Variants in CD247 observed in about 807,000 individuals in gnomAD.
CD247 encodes T-cell surface glycoprotein CD3 zeta chain.
Under a neutral mutation model 30.0 loss-of-function variants are expected in CD247, and 13 were observed. That is an observed-to-expected ratio of 0.43 (90% confidence interval 0.28 to 0.69). CD247 has a LOEUF of 0.69. CD247 is among the 30% of genes least tolerant of loss of function. CD247 has a pLI of 0.16. For synonymous variants in CD247, 72 were observed against 80.0 expected (o/e 0.90, Z 0.53); for missense variants, 193 against 212.6 (o/e 0.91, Z 0.57).
chr1:167,454,921 G>A (rs1321719504), intron 1 of CD247, among the ~76,000 whole-genome samples: 1 of 152,222 alleles, frequency 6.6e-6, no homozygotes, highest in Non-Finnish European at 1.5e-5. Flanking sequence ...TGTTGAGGGC[G>A]CCTCCTCAGA....
intron 1 of CD247, among the ~76,000 whole-genome samples, chr1:167,471,778 T>TTTGA (rs1324613079): frequency 4.6e-5 from 7 of 151,964 alleles, no homozygotes; most frequent in Non-Finnish European, 8.8e-5. Context: ...TTATTTTTCT[T>TTTGA]TTGATGTACC....
chr1:167,439,648 G>C (rs950779968), intron 2 of CD247: 2 of 566,264 alleles, frequency 3.5e-6, no homozygotes, highest in Non-Finnish European at 6.3e-6. Context: ...GGACCCGCTG[G>C]AGTTTATTCT....
At chr1:167,442,110 CAA>C (rs928035184) in intron 1 of CD247, among the ~76,000 whole-genome samples, 1 of 151,428 alleles carries the variant, frequency 6.6e-6, no homozygotes, top group African/African-American at 2.4e-5. Context: ...GGCTCCGTCT[CAA>C]AAAAAAATTT....
At chr1:167,490,574 G>A (rs1321296938) in intron 1 of CD247, among the ~76,000 whole-genome samples, 1 of 151,968 alleles carries the variant, frequency 6.6e-6, no homozygotes, top group Admixed American at 6.6e-5. Flanking sequence ...AGCGAGCCGA[G>A]ATCGCGCCAC....
At chr1:167,455,978 C>T (rs1474769820) in intron 1 of CD247, among the ~76,000 whole-genome samples, 3 of 152,046 alleles carry the variant, frequency 2.0e-5, no homozygotes, top group Admixed American at 6.5e-5. Flanking sequence ...CCCGGAGAGA[C>T]GCAACCCTGA....
chr1:167,433,114 T>C, intron 6 of CD247, 55 bp from the exon 7 acceptor site: 1 of 1,583,300 alleles, frequency 6.3e-7, no homozygotes, highest in Non-Finnish European at 8.7e-7. Flanking sequence ...CAGTCAGTAG[T>C]GGCATTTCTG....
intron 1 of CD247, among the ~76,000 whole-genome samples, chr1:167,452,291 T>C (rs908215252): frequency 6.7e-6 from 1 of 148,418 alleles, no homozygotes; most frequent in Non-Finnish European, 1.5e-5. Flanking sequence ...GGCATGGTGG[T>C]ACACCATGAG....
At chr1:167,434,273 A>G in intron 5 of CD247, 197 bp from the exon 6 acceptor site, 1 of 625,778 alleles carries the variant, frequency 1.6e-6, no homozygotes. Context: ...CCTCATCCTC[A>G]GCCCTTTGGA....
At chr1:167,463,105 G>A (rs1653095066) in intron 1 of CD247, among the ~76,000 whole-genome samples, 1 of 152,172 alleles carries the variant, frequency 6.6e-6, no homozygotes, top group Admixed American at 6.5e-5. Context: ...AACCCTTCCT[G>A]GGTTCTGTTT....
At chr1:167,505,747 G>A (rs1314578145) in intron 1 of CD247, among the ~76,000 whole-genome samples, 1 of 152,246 alleles carries the variant, frequency 6.6e-6, no homozygotes, top group Non-Finnish European at 1.5e-5. Context: ...GGGGAGTGGG[G>A]AGGGGTTTCC....
chr1:167,444,313 C>T (rs1232185149), intron 1 of CD247, among the ~76,000 whole-genome samples: 2 of 152,238 alleles, frequency 1.3e-5, no homozygotes, highest in African/African-American at 4.8e-5. Context: ...AAAGGCACCG[C>T]ATCGCCACTC....
intron 7 of CD247, 87 bp downstream of exon 7, chr1:167,432,937 G>T: frequency 1.4e-6 from 2 of 1,455,842 alleles, no homozygotes; most frequent in Non-Finnish European, 1.9e-6. Flanking sequence ...AAGAGCTGGT[G>T]CCACCAGCAG....
intron 1 of CD247, among the ~76,000 whole-genome samples, chr1:167,512,486 A>G (rs1439216383): frequency 6.6e-6 from 1 of 152,152 alleles, no homozygotes; most frequent in African/African-American, 2.4e-5. Context: ...TTGTAGCTAA[A>G]AGGGATGTTC....
chr1:167,464,286 T>C (rs763772228), intron 1 of CD247, among the ~76,000 whole-genome samples: 15 of 152,188 alleles, frequency 9.9e-5, no homozygotes, highest in Non-Finnish European at 2.2e-4. Context: ...GAGTCCAGCA[T>C]GAAGATGCGG....
chr1:167,499,766 T>G (rs1426138870), intron 1 of CD247, among the ~76,000 whole-genome samples: 3 of 152,208 alleles, frequency 2.0e-5, no homozygotes, highest in Admixed American at 2.0e-4. Flanking sequence ...AGCTTAGATT[T>G]GAATCCAGAA....
chr1:167,482,204 G>A (rs1057117242), intron 1 of CD247, among the ~76,000 whole-genome samples: 1 of 152,142 alleles, frequency 6.6e-6, no homozygotes, highest in Non-Finnish European at 1.5e-5. Flanking sequence ...TGGAGACAAC[G>A]CCATCCCTGG....
At chr1:167,508,348 G>A (rs1313906167) in intron 1 of CD247, among the ~76,000 whole-genome samples, 1 of 152,156 alleles carries the variant, frequency 6.6e-6, no homozygotes, top group African/African-American at 2.4e-5. Context: ...CATTTGCAAT[G>A]GGCAGGTGAG....
intron 3 of CD247, 114 bp from the exon 4 acceptor site, chr1:167,438,764 A>T: frequency 1.1e-3 from 750 of 712,864 alleles, no homozygotes; most frequent in Non-Finnish European, 1.3e-3. Context: ...AAAGAGGGGC[A>T]GGGGCTGGGG....
At chr1:167,504,226 C>T (rs1655025108) in intron 1 of CD247, among the ~76,000 whole-genome samples, 2 of 152,168 alleles carry the variant, frequency 1.3e-5, no homozygotes, top group Non-Finnish European at 2.9e-5. Context: ...GATTAGTTGA[C>T]CTAATGCATG....
Sources: gnomAD v4.1 joint callset for allele counts (sites outside exome capture counted in the v4.1 genomes callset) on GRCh38, gnomAD v4.1.1 for gene constraint, MANE v1.5 for transcripts, NCBI Gene and HGNC (gene_info 2026-07-23, HGNC 2026-07-21) for gene names.